The following ARHGAP24 variants were observed in gnomAD, a reference collection of about 807,000 sequenced individuals.
The protein encoded by ARHGAP24 is Rho GTPase activating protein 24, also known as rho GTPase-activating protein 24.
A neutral mutation model predicts 76.4 loss-of-function variants in ARHGAP24; 50 were observed. The ratio of observed to expected loss-of-function variants is 0.65; its 90% CI spans 0.52 to 0.83. ARHGAP24 has a LOEUF of 0.83. Ranked by LOEUF, ARHGAP24 falls within the 40% of genes least tolerant of loss-of-function variation. The probability of loss-of-function intolerance (pLI) is 0.00; values close to 1 mark genes in which losing one functional copy is unlikely to be tolerated. For synonymous variants in ARHGAP24, 345 were observed against 323.3 expected (o/e 1.07, Z -0.72); for missense variants, 930 against 914.2 (o/e 1.02, Z -0.22).
At chr4:85,748,194 A>G (rs373579136) in intron 3 of ARHGAP24, among the ~76,000 whole-genome samples, 1 of 152,236 alleles carries the variant, frequency 6.6e-6, no homozygotes, top group African/African-American at 2.4e-5. Flanking sequence ...CAACCTGGCC[A>G]TCCCCTACCT....
intron 2 of ARHGAP24, among the ~76,000 whole-genome samples, chr4:85,584,447 T>C (rs190274127): frequency 0.014 from 749 of 51,870 alleles, 9 homozygotes; most frequent in African/African-American, 0.052. Context: ...GTTGTGGGGT[T>C]GGGGGAGGGG....
chr4:85,960,002 A>G (rs1479115984), intron 5 of ARHGAP24, among the ~76,000 whole-genome samples: 2 of 152,148 alleles, frequency 1.3e-5, no homozygotes, highest in Admixed American at 1.3e-4. Context: ...CTGAATCTCT[A>G]ACTCATAGTG....
intron 3 of ARHGAP24, among the ~76,000 whole-genome samples, chr4:85,876,236 A>G (rs989643249): frequency 6.6e-6 from 1 of 152,152 alleles, no homozygotes; most frequent in African/African-American, 2.4e-5. Flanking sequence ...TAAGCTTGTT[A>G]TATTTTCAGT....
chr4:85,506,704 G>A lies in ARHGAP24; in HGVS notation c.-21+31145G>A, dbSNP rs529167910. 7.7e-4 allele frequency among the ~76,000 whole-genome samples: 118 copies of A among 152,274 alleles called. 3 individuals carry two copies. In the South Asian group the frequency reaches 0.024, roughly 31 times the overall value. ...TCCACCAACCCCTTGCACTTCCTGG[G>A]TGAGGCAATGCCCCGCCCTGCTTCG... On this transcript the variant is annotated intron_variant, in intron 1 of 9. Coordinates refer to ENST00000395184, the MANE Select transcript of ARHGAP24 (RefSeq NM_001025616.3).
At chr4:85,975,526 T>C (rs1257378876) in intron 7 of ARHGAP24, 1 of 152,882 alleles carries the variant, frequency 6.5e-6, no homozygotes, top group East Asian at 1.9e-4. Flanking sequence ...CTGAATTCTG[T>C]TAGAAAAATA....
chr4:85,577,624 C>G (rs1727434495), intron 2 of ARHGAP24, among the ~76,000 whole-genome samples: 1 of 152,094 alleles, frequency 6.6e-6, no homozygotes, highest in Non-Finnish European at 1.5e-5. Context: ...TAATACCAAG[C>G]ATTTGTGAAG....
At chr4:85,668,944 C>G (rs1257382596) in intron 2 of ARHGAP24, among the ~76,000 whole-genome samples, 1 of 152,150 alleles carries the variant, frequency 6.6e-6, no homozygotes, top group Non-Finnish European at 1.5e-5. Flanking sequence ...AGAGTCTGAA[C>G]TAAGATGAAC....
intron 1 of ARHGAP24, among the ~76,000 whole-genome samples, chr4:85,557,648 G>T (rs1325852483): frequency 9.5e-6 from 1 of 105,586 alleles, no homozygotes; most frequent in Non-Finnish European, 2.1e-5. Flanking sequence ...CGGTTGAAGA[G>T]CTAGTGTCAA....
intron 2 of ARHGAP24, among the ~76,000 whole-genome samples, chr4:85,714,089 C>T (rs937827116): frequency 7.2e-5 from 11 of 152,096 alleles, no homozygotes; most frequent in African/African-American, 2.7e-4. Flanking sequence ...TGAATCAAAA[C>T]ATGTTGAAAA....
At chr4:85,805,442 C>T (rs1728748196) in intron 3 of ARHGAP24, among the ~76,000 whole-genome samples, 1 of 152,192 alleles carries the variant, frequency 6.6e-6, no homozygotes, top group South Asian at 2.1e-4. Context: ...ACAAATCTGC[C>T]ATTAACAAAC....
Position 85,604,824 on chromosome 4 carries a change from C to T in ARHGAP24, c.180+34103C>T, listed in dbSNP as rs529782425. 2.3e-3 allele frequency among the ~76,000 whole-genome samples: 343 copies of T among 150,516 alleles called. 4 individuals are homozygous for T. The highest frequency in any genetic ancestry group is 7.9e-3 in the African/African-American group (322 of 41,006). On this transcript the variant is annotated intron_variant, in intron 2 of 9. Coordinates refer to ENST00000395184, the MANE Select transcript of ARHGAP24 (RefSeq NM_001025616.3). ...GTGGGTCTTGAACTCCTGATCTGCC[C>T]ACATTGGCCTCCCAAAGTGCTGGGA...
intron 2 of ARHGAP24, among the ~76,000 whole-genome samples, chr4:85,579,956 C>T (rs1435441782): frequency 6.6e-6 from 1 of 152,080 alleles, no homozygotes; most frequent in Non-Finnish European, 1.5e-5. Flanking sequence ...TTTCATTTCT[C>T]TTGAGCATAC....
chr4:85,560,140 T>A (rs931943818), intron 1 of ARHGAP24, among the ~76,000 whole-genome samples: 18 of 152,156 alleles, frequency 1.2e-4, no homozygotes, highest in Non-Finnish European at 2.1e-4. Context: ...TTTGATTTGA[T>A]TTTTGTTTCT....
In ARHGAP24 at chr4:85,673,702, G is replaced by C. The variant is rs187050867; in HGVS notation, c.181-48183G>C. 3.5e-3 allele frequency among the ~76,000 whole-genome samples: 505 copies of C among 144,628 alleles called. 4 individuals are homozygous for C. The highest frequency in any genetic ancestry group is 0.017 in the Middle Eastern group (5 of 288). 94.9% of individuals were successfully genotyped at this position (144,628 alleles called of 152,430 possible). A position where few individuals can be genotyped will look rare whatever the true frequency, so the allele number is the denominator to read the frequency against. On this transcript the variant is annotated intron_variant, in intron 2 of 9. Transcript: ENST00000395184. Reference sequence around the variant, plus strand: ...CCCACTGGTAAAGTGAAACACCAGTGGGGGGATCTAAGCATTGAGAGGATG... The same window carrying C: ...CCCACTGGTAAAGTGAAACACCAGTCGGGGGATCTAAGCATTGAGAGGATG...
chr4:85,853,702 G>A (rs768240595), intron 3 of ARHGAP24, among the ~76,000 whole-genome samples: 4 of 152,028 alleles, frequency 2.6e-5, no homozygotes, highest in South Asian at 2.1e-4. Context: ...CAAGGTGGGC[G>A]GATCACAAGC....
intron 3 of ARHGAP24, among the ~76,000 whole-genome samples, chr4:85,726,548 T>C (rs1172642386): frequency 6.6e-6 from 1 of 152,130 alleles, no homozygotes; most frequent in African/African-American, 2.4e-5. Flanking sequence ...TCTTGCTAAC[T>C]AGTCATTGAT....
At position 85,923,916 on chromosome 4, in the gene ARHGAP24, C is replaced by T; in HGVS notation, c.391+146C>T. ...TAAATTGTTCAACATTATTGTTAGA[C>T]GTATGTCTTCGTAAATCCTACAAGT... On this transcript the variant is annotated intron_variant, in intron 4 of 9. Coordinates refer to ENST00000395184, the MANE Select transcript of ARHGAP24 (RefSeq NM_001025616.3). The T allele has an allele frequency of 4.3e-6, 5 of 1,171,726 alleles. No homozygotes were observed. The Admixed American group carries it at 6.5e-5, about 15-fold the overall frequency. The allele number at this position is 1,171,726 out of a possible 1,614,324, so 72.6% of individuals were successfully genotyped here. A position where few individuals can be genotyped will look rare whatever the true frequency, so the allele number is the denominator to read the frequency against.
chr4:85,495,562 A>G (rs1042567284), intron 1 of ARHGAP24, among the ~76,000 whole-genome samples: 3 of 151,754 alleles, frequency 2.0e-5, no homozygotes, highest in African/African-American at 7.3e-5. Context: ...CGTGTTAGCC[A>G]GGATGGGTCT....
chr4:85,950,182 G>A (rs758537911), intron 5 of ARHGAP24, among the ~76,000 whole-genome samples: 27 of 152,230 alleles, frequency 1.8e-4, no homozygotes, highest in Non-Finnish European at 3.4e-4. Context: ...AGCTTAGCTT[G>A]CTTGAAGAAC....
Sources: allele counts gnomAD v4.1 joint callset (sites outside exome capture counted in the v4.1 genomes callset), GRCh38; gene constraint gnomAD v4.1.1; transcripts MANE v1.5; gene names NCBI Gene and HGNC (gene_info 2026-07-23, HGNC 2026-07-21).